Variants in MYO16 observed in about 807,000 individuals in gnomAD.
The protein encoded by MYO16 is myosin XVI.
In MYO16, 94 loss-of-function variants were observed where a neutral mutation model predicts 205.3. That is an observed-to-expected ratio of 0.46 (90% CI 0.39 to 0.54). MYO16 has a LOEUF of 0.54. Ranked by LOEUF, MYO16 falls within the 20% of genes least tolerant of loss-of-function variation. MYO16 has a pLI of 0.00. For missense variants in MYO16, 2,315 were observed against 2,387.5 expected, an observed-to-expected ratio of 0.97 and a Z score of 0.63; for synonymous variants, 988 against 954.0, an observed-to-expected ratio of 1.04 and a Z score of -0.66.
intron 20 of MYO16, among the ~76,000 whole-genome samples, chr13:108,972,959 G>A (rs1884111561): frequency 6.6e-6 from 1 of 151,996 alleles, no homozygotes; most frequent in Non-Finnish European, 1.5e-5. Context: ...CGAAGGAACT[G>A]GCATGCTGAG....
At chr13:108,552,873 A>G in the MYO16 span, among the ~76,000 whole-genome samples, 478 of 152,224 alleles carry the variant, frequency 3.1e-3, 5 homozygotes, top group African/African-American at 0.011. Flanking sequence ...ATGGTAGAAT[A>G]AGAAAGGATG....
At chr13:108,816,441 G>GA (rs1875610207) in intron 7 of MYO16, among the ~76,000 whole-genome samples, 1 of 150,388 alleles carries the variant, frequency 6.6e-6, no homozygotes. Context: ...TAAGAGTTAA[G>GA]AAAAAATATT....
intron 13 of MYO16, among the ~76,000 whole-genome samples, chr13:108,886,139 C>T (rs942833130): frequency 2.6e-5 from 4 of 152,098 alleles, no homozygotes; most frequent in Non-Finnish European, 5.9e-5. Flanking sequence ...AGGCGCCCGC[C>T]ATCACGCCCG....
chr13:109,105,240 G>T (rs1412300185), intron 28 of MYO16, among the ~76,000 whole-genome samples: 10 of 152,246 alleles, frequency 6.6e-5, no homozygotes, highest in Admixed American at 6.5e-4. Flanking sequence ...AGAGGCTGAG[G>T]CGAGTGTATC....
the MYO16 span, among the ~76,000 whole-genome samples, chr13:108,500,882 G>A: frequency 6.6e-6 from 1 of 152,048 alleles, no homozygotes; most frequent in Non-Finnish European, 1.5e-5. Flanking sequence ...ACACCTTCTT[G>A]ACCCGCTCCC....
chr13:108,960,294 A>AAAAAAT lies in MYO16; in HGVS notation c.2038-1242_2038-1237dup, dbSNP rs1432178797. On this transcript the variant is annotated intron_variant, in intron 17 of 34. Transcript: ENST00000457511. Reference sequence around the variant, plus strand: ...TGTCTCAAAAAAAAAAAAAAAGGAAAAAAAATAAGTTGACAAGTAGTTAAG... The same window carrying AAAAAAT: ...TGTCTCAAAAAAAAAAAAAAAGGAAAAAAAATAAAAATAAGTTGACAAGTAGTTAAG... Among the ~76,000 whole-genome samples, 3 of 152,060 alleles carry AAAAAAT rather than the reference A, an allele frequency of 2.0e-5. No individual in the cohort carries two copies. The East Asian group carries it at 5.8e-4, about 29-fold the overall frequency.
intron 23 of MYO16, among the ~76,000 whole-genome samples, chr13:109,031,515 T>C (rs543738006): frequency 4.6e-4 from 70 of 152,326 alleles, no homozygotes; most frequent in African/African-American, 1.6e-3. Context: ...GATGCTCTAC[T>C]TACCAGTTGG....
intron 1 of MYO16, among the ~76,000 whole-genome samples, chr13:108,640,127 G>A (rs577803340): frequency 3.9e-5 from 6 of 152,300 alleles, no homozygotes; most frequent in African/African-American, 1.4e-4. Context: ...AAAGGAAATA[G>A]GTGACAAGGA....
At chr13:108,607,275 A>G (rs1398635286) in intron 1 of MYO16, among the ~76,000 whole-genome samples, 2 of 152,030 alleles carry the variant, frequency 1.3e-5, no homozygotes, top group Non-Finnish European at 2.9e-5. Context: ...ATTTGGGAGG[A>G]GCCAGGAGTG....
intron 1 of MYO16, among the ~76,000 whole-genome samples, chr13:108,656,386 C>A (rs192707025): frequency 6.6e-6 from 1 of 152,270 alleles, no homozygotes; most frequent in Non-Finnish European, 1.5e-5. Context: ...CCATAGGGAA[C>A]TGTAAGTCCA....
At chr13:108,747,716 A>T (rs1885109781) in intron 4 of MYO16, among the ~76,000 whole-genome samples, 1 of 152,142 alleles carries the variant, frequency 6.6e-6, no homozygotes, top group South Asian at 2.1e-4. Flanking sequence ...GTCTAAACAC[A>T]CCAATTAAAA....
intron 33 of MYO16, among the ~76,000 whole-genome samples, chr13:109,172,279 A>G (rs1252077208): frequency 6.6e-6 from 1 of 152,242 alleles, no homozygotes; most frequent in East Asian, 1.9e-4. Flanking sequence ...AGCAAGCCTC[A>G]CTTGACAATC....
intron 23 of MYO16, among the ~76,000 whole-genome samples, chr13:109,023,552 TTATTA>T (rs1229015852): frequency 8.1e-6 from 1 of 123,152 alleles, no homozygotes; most frequent in African/African-American, 3.1e-5. Flanking sequence ...AGGTATATAT[TTATTA>T]TATATACAAA....
At chr13:108,546,740 C>T in the MYO16 span, among the ~76,000 whole-genome samples, 1 of 152,156 alleles carries the variant, frequency 6.6e-6, no homozygotes, top group South Asian at 2.1e-4. Context: ...ACACAGAACC[C>T]CAAAGTGGGG....
chr13:108,825,695 A>G (rs1008202376), intron 9 of MYO16, among the ~76,000 whole-genome samples: 2 of 152,002 alleles, frequency 1.3e-5, no homozygotes, highest in Admixed American at 1.3e-4. Context: ...TAAGGAATTT[A>G]CAAAAATATC....
intron 13 of MYO16, among the ~76,000 whole-genome samples, chr13:108,885,277 G>A (rs1441421606): frequency 1.3e-5 from 2 of 152,174 alleles, no homozygotes; most frequent in Admixed American, 6.5e-5. Context: ...GTGCCACCAC[G>A]CCCGGCTAAT....
intron 2 of MYO16, among the ~76,000 whole-genome samples, chr13:108,683,839 G>A (rs1445324425): frequency 6.6e-6 from 1 of 152,178 alleles, no homozygotes; most frequent in East Asian, 1.9e-4. Flanking sequence ...GAAGAAACAT[G>A]CTTTATGCCT....
chr13:108,552,687 C>A, the MYO16 span, among the ~76,000 whole-genome samples: 3 of 152,124 alleles, frequency 2.0e-5, no homozygotes, highest in African/African-American at 7.2e-5. Flanking sequence ...TGATATACCC[C>A]ATGACTTCAC....
chr13:108,519,151 T>A, the MYO16 span, among the ~76,000 whole-genome samples: 3 of 152,222 alleles, frequency 2.0e-5, no homozygotes, highest in African/African-American at 7.2e-5. Flanking sequence ...TGAGTCTGCA[T>A]CTTGGTCATC....
Sources: allele counts gnomAD v4.1 joint callset (sites outside exome capture counted in the v4.1 genomes callset), GRCh38; gene constraint gnomAD v4.1.1; transcripts MANE v1.5; gene names NCBI Gene and HGNC (gene_info 2026-07-23, HGNC 2026-07-21).